CFAP20DC: variants seen among roughly 807,000 people sequenced by gnomAD.
CFAP20DC encodes the protein CFAP20 domain containing, also known as protein CFAP20DC.
CFAP20DC carries 84 observed loss-of-function variants against 101.7 expected under a neutral mutation model. The ratio of observed to expected loss-of-function variants is 0.83; its 90% CI spans 0.69 to 0.99. The LOEUF (loss-of-function observed/expected upper bound fraction) is 0.99. Among genes scored for constraint, CFAP20DC ranks in the 50% least tolerant of loss-of-function variants. The pLI is 0.00. For synonymous variants in CFAP20DC, 359 were observed against 351.2 expected, an observed-to-expected ratio of 1.02 and a Z score of -0.25; for missense variants, 1,007 against 970.3, an observed-to-expected ratio of 1.04 and a Z score of -0.50.
At chr3:58,773,079 G>A (rs150015377) in intron 15 of CFAP20DC, among the ~76,000 whole-genome samples, 385 of 150,616 alleles carry the variant, frequency 2.6e-3, no homozygotes, top group African/African-American at 8.2e-3. Context: ...AGATCTATAA[G>A]AAAACCCTTC....
chr3:58,985,922 C>T (rs9810993), intron 4 of CFAP20DC, among the ~76,000 whole-genome samples: 16,836 of 152,174 alleles, frequency 0.11, 2,350 homozygotes, highest in African/African-American at 0.33. Flanking sequence ...GAATCTTATA[C>T]AGTACACATT....
At chr3:58,999,134 A>G (rs1396464367) in intron 4 of CFAP20DC, among the ~76,000 whole-genome samples, 1 of 152,240 alleles carries the variant, frequency 6.6e-6, no homozygotes, top group Non-Finnish European at 1.5e-5. Context: ...TAAATGTGAT[A>G]GAGCTGCAGA....
At chr3:58,845,235 G>A (rs1172025842) in intron 13 of CFAP20DC, among the ~76,000 whole-genome samples, 1 of 150,632 alleles carries the variant, frequency 6.6e-6, no homozygotes, top group African/African-American at 2.4e-5. Flanking sequence ...CTGGTTTTTT[G>A]AAAGGATCAA....
chr3:58,886,921 A>T (rs1310331220), intron 6 of CFAP20DC, among the ~76,000 whole-genome samples: 1 of 152,132 alleles, frequency 6.6e-6, no homozygotes, highest in African/African-American at 2.4e-5. Flanking sequence ...ATGTGACTGT[A>T]TGTAGTCAGG....
At chr3:59,048,288 T>C (rs1700027254) in intron 1 of CFAP20DC, among the ~76,000 whole-genome samples, 1 of 152,220 alleles carries the variant, frequency 6.6e-6, no homozygotes, top group Non-Finnish European at 1.5e-5. Context: ...TTCTCAGTAA[T>C]ATAAAGATAT....
At chr3:58,972,110 G>A (rs184003865) in intron 4 of CFAP20DC, among the ~76,000 whole-genome samples, 14 of 151,920 alleles carry the variant, frequency 9.2e-5, no homozygotes, top group South Asian at 4.2e-4. Flanking sequence ...TTTTAATAAA[G>A]AATATAAAAA....
chr3:59,045,806 G>A (rs1699806748), intron 3 of CFAP20DC, among the ~76,000 whole-genome samples: 1 of 151,878 alleles, frequency 6.6e-6, no homozygotes, highest in Non-Finnish European at 1.5e-5. Context: ...CTTGTATTTA[G>A]GAATGCTGAT....
chr3:59,014,623 T>C lies in CFAP20DC; in HGVS notation c.278+24934A>G, dbSNP rs559138015. ...ATGCTGCTGCCTTTAATTATCTCAATGGCTGTCAAAAAATGAGTCTGTTAA... is the reference window on the plus strand; with the variant it reads ...ATGCTGCTGCCTTTAATTATCTCAACGGCTGTCAAAAAATGAGTCTGTTAA... On this transcript the variant is annotated intron_variant, in intron 4 of 16. Coordinates refer to ENST00000482387, the MANE Select transcript of CFAP20DC (RefSeq NM_001394063.1). This position sits in a 1 kb window ranked among gnomAD's most constrained non-coding sequence, Gnocchi z 4.9. Among the ~76,000 whole-genome samples, 3 of 152,290 alleles carry C rather than the reference T, an allele frequency of 2.0e-5. No individual in the cohort carries two copies. The highest frequency in any genetic ancestry group is 4.1e-4 in the South Asian group (2 of 4,830).
At position 59,007,873 on chromosome 3, in the gene CFAP20DC, TG is replaced by T. The variant is rs1222129917; in HGVS notation, c.278+31683del. Among the ~76,000 whole-genome samples, 2 of 152,178 alleles carry T rather than the reference TG, an allele frequency of 1.3e-5. No homozygotes were observed. Among genetic ancestry groups the T allele is most frequent in the Admixed American group, 1.3e-4 (2 of 15,288 alleles). On this transcript the variant is annotated intron_variant, in intron 4 of 16. Transcript: ENST00000482387. The surrounding 1 kb of genome is among the most constrained non-coding windows in gnomAD (Gnocchi z 4.4). ...ACAAAAAACTCTGAACAGCAGGACT[TG>T]GGTTTCAGATCTTTCCACTGGTAGG...
intron 4 of CFAP20DC, among the ~76,000 whole-genome samples, chr3:58,981,798 C>G (rs1219810610): frequency 8.5e-5 from 13 of 152,124 alleles, no homozygotes; most frequent in Non-Finnish European, 1.6e-4. Context: ...TAGGCATGGG[C>G]AAGGACTTCA....
chr3:58,913,057 C>T lies in CFAP20DC; in HGVS notation c.550+651G>A, dbSNP rs981797958. ...TTCCTTGCAGCATGCAACCTAGACTCCACAGGACAGAAACAGCCACACCAA... is the reference window on the plus strand; with the variant it reads ...TTCCTTGCAGCATGCAACCTAGACTTCACAGGACAGAAACAGCCACACCAA... On this transcript the variant is annotated intron_variant, in intron 6 of 16. Coordinates refer to ENST00000482387, the MANE Select transcript of CFAP20DC (RefSeq NM_001394063.1). This position sits in a 1 kb window ranked among gnomAD's most constrained non-coding sequence, Gnocchi z 4.4. 3.3e-5 allele frequency among the ~76,000 whole-genome samples: 5 copies of T among 152,214 alleles called. No individual in the cohort carries two copies. The highest frequency in any genetic ancestry group is 1.2e-4 in the African/African-American group (5 of 41,538).
intron 15 of CFAP20DC, among the ~76,000 whole-genome samples, chr3:58,792,235 T>A (rs2072916669): frequency 6.6e-6 from 1 of 152,170 alleles, no homozygotes; most frequent in Non-Finnish European, 1.5e-5. Flanking sequence ...ACTTGAATCA[T>A]AATCATGTCT....
At chr3:58,840,786 C>T (rs570762372) in intron 13 of CFAP20DC, among the ~76,000 whole-genome samples, 10 of 152,312 alleles carry the variant, frequency 6.6e-5, no homozygotes, top group Non-Finnish European at 1.2e-4. Flanking sequence ...GTTCTACATG[C>T]GCTATCTAAT....
chr3:58,883,960 G>T (rs1470092004), intron 7 of CFAP20DC, among the ~76,000 whole-genome samples: 2 of 152,120 alleles, frequency 1.3e-5, no homozygotes, highest in Non-Finnish European at 2.9e-5. Flanking sequence ...AACACTGGCA[G>T]CCCTGACATG....
intron 3 of CFAP20DC, among the ~76,000 whole-genome samples, chr3:59,041,173 T>G (rs1186745031): frequency 6.6e-6 from 1 of 152,118 alleles, no homozygotes; most frequent in Non-Finnish European, 1.5e-5. Flanking sequence ...GCAGGATAAG[T>G]GAAATCAGTC....
At chr3:58,944,389 AAAT>A (rs1485582198) in intron 4 of CFAP20DC, among the ~76,000 whole-genome samples, 2 of 152,222 alleles carry the variant, frequency 1.3e-5, no homozygotes, top group Non-Finnish European at 2.9e-5. Context: ...ACAGATGAGA[AAAT>A]AAGACTCCAG....
At position 58,863,243 on chromosome 3, in the gene CFAP20DC, G is replaced by T; in HGVS notation, c.1593+315C>A. ...ACAGTATATTCTCAGTGTTTTACTGGTCTTGCTATCATAGCACTAAACTGC... is the reference window on the plus strand; with the variant it reads ...ACAGTATATTCTCAGTGTTTTACTGTTCTTGCTATCATAGCACTAAACTGC... On this transcript the variant is annotated intron_variant, in intron 12 of 16. Coordinates refer to ENST00000482387, the MANE Select transcript of CFAP20DC (RefSeq NM_001394063.1). This position sits in a 1 kb window ranked among gnomAD's most constrained non-coding sequence, Gnocchi z 5.9. 1 of 1,355,160 alleles carries T rather than the reference G, an allele frequency of 7.4e-7. No individual in the cohort carries two copies. The highest frequency in any genetic ancestry group is 2.0e-5 in the South Asian group (1 of 50,840). The allele number at this position is 1,355,160 out of a possible 1,614,324, so 83.9% of individuals were successfully genotyped here.
intron 5 of CFAP20DC, among the ~76,000 whole-genome samples, chr3:58,925,346 T>C (rs1429090239): frequency 6.6e-6 from 1 of 152,190 alleles, no homozygotes. Flanking sequence ...CCTCCAGTAG[T>C]ACTTATAAGA....
chr3:59,041,368 A>G (rs925937489), intron 3 of CFAP20DC, among the ~76,000 whole-genome samples: 18 of 152,266 alleles, frequency 1.2e-4, no homozygotes, highest in African/African-American at 4.3e-4. Context: ...CCAGTTTCCA[A>G]AACGTTTCAC....
Sources: gnomAD v4.1 joint callset for allele counts (sites outside exome capture counted in the v4.1 genomes callset) on GRCh38, gnomAD v4.1.1 for gene constraint, Gnocchi (gnomAD v3.1) non-coding constraint, MANE v1.5 for transcripts, NCBI Gene and HGNC (gene_info 2026-07-23, HGNC 2026-07-21) for gene names.